Variants in CORO7 observed in about 807,000 individuals in gnomAD.
The protein encoded by CORO7 is coronin 7.
Under a neutral mutation model 126.6 loss-of-function variants are expected in CORO7, and 107 were observed. The ratio of observed to expected loss-of-function variants is 0.85; its 90% CI spans 0.72 to 0.99. The LOEUF (loss-of-function observed/expected upper bound fraction) is 0.99. Ranked by LOEUF, CORO7 falls within the 50% of genes least tolerant of loss-of-function variation. The pLI is 0.00. For missense variants in CORO7, 1,314 were observed against 1,255.8 expected (o/e 1.05, Z -0.70); for synonymous variants, 603 against 536.8 (o/e 1.12, Z -1.70).
intron 25 of CORO7, chr16:4,357,748 T>A: frequency 1.4e-6 from 1 of 714,042 alleles, no homozygotes; most frequent in Non-Finnish European, 2.2e-6. Flanking sequence ...CACCACAGTG[T>A]GTGCGTGTGT....
chr16:4,367,701 A>C (rs1567257168), intron 9 of CORO7, among the ~76,000 whole-genome samples: 1 of 152,172 alleles, frequency 6.6e-6, no homozygotes, highest in Non-Finnish European at 1.5e-5. Context: ...CAACCTGTGC[A>C]AAGGTCCTGT....
At position 4,364,426 on chromosome 16, in the gene CORO7, C is replaced by T. The variant is rs201401105; in HGVS notation, c.1138-13G>A. Reference sequence around the variant, plus strand: ...TGACCTTCTGCACCTGCATGGAGGCCGGCAGTGGGGAGATGGGGGCATGGG... The same window carrying T: ...TGACCTTCTGCACCTGCATGGAGGCTGGCAGTGGGGAGATGGGGGCATGGG... On this transcript the variant is annotated splice_polypyrimidine_tract_variant and intron_variant, in intron 13 of 27. Transcript: ENST00000251166. 36 of 1,494,666 alleles carry T rather than the reference C, an allele frequency of 2.4e-5. No homozygotes were observed. Among genetic ancestry groups the T allele is most frequent in the East Asian group, 9.3e-5 (4 of 42,814 alleles). 92.6% of individuals were successfully genotyped at this position (1,494,666 alleles called of 1,614,324 possible).
At chr16:4,370,874 G>C (rs146429788) in intron 9 of CORO7, among the ~76,000 whole-genome samples, 3,651 of 152,364 alleles carry the variant, frequency 0.024, 73 homozygotes, top group Non-Finnish European at 0.034. Context: ...CGGGCTGGAG[G>C]GGGTGTGGGT....
intron 7 of CORO7, among the ~76,000 whole-genome samples, chr16:4,389,740 C>T (rs2055321634): frequency 6.6e-6 from 1 of 152,232 alleles, no homozygotes; most frequent in African/African-American, 2.4e-5. Context: ...GAGCCATTGG[C>T]CAGCCCTGCC....
In CORO7 at chr16:4,362,955, G is replaced by C. The variant is rs1053180478; in HGVS notation, c.1276-217C>G. The C allele has an allele frequency of 2.2e-6, 1 of 447,170 alleles. No individual in the cohort carries two copies. The allele number at this position is 447,170 out of a possible 1,614,324, so 27.7% of individuals were successfully genotyped here. ...ACCGCGGGGACAGCAAGTGGCAGCT[G>C]CTGGCTCCCAGCCCTGCAGGAGGGT... is the stretch of plus-strand genomic sequence containing the variant. On this transcript the variant is annotated intron_variant, in intron 14 of 27. Coordinates refer to ENST00000251166, the MANE Select transcript of CORO7 (RefSeq NM_024535.5). The surrounding 1 kb of genome is among the most constrained non-coding windows in gnomAD (Gnocchi z 5.3).
At chr16:4,373,819 A>G (rs1407710133) in intron 9 of CORO7, among the ~76,000 whole-genome samples, 19 of 152,132 alleles carry the variant, frequency 1.2e-4, no homozygotes, top group Admixed American at 1.2e-3. Context: ...TCAGCAGGCC[A>G]GACAGCCAGT....
At chr16:4,365,959 G>C (rs1038495831) in intron 9 of CORO7, among the ~76,000 whole-genome samples, 25 of 152,306 alleles carry the variant, frequency 1.6e-4, no homozygotes, top group African/African-American at 5.5e-4. Flanking sequence ...GTCCCCACTC[G>C]GCACTGCCTG....
At chr16:4,415,696 G>C in intron 1 of CORO7, 1 of 985,108 alleles carries the variant, frequency 1.0e-6, no homozygotes, top group Non-Finnish European at 1.2e-6. Context: ...AGTTATCGGA[G>C]GACACTCCCA....
At chr16:4,411,770 C>T (rs2056219556) in intron 3 of CORO7, among the ~76,000 whole-genome samples, 1 of 152,028 alleles carries the variant, frequency 6.6e-6, no homozygotes, top group Non-Finnish European at 1.5e-5. Context: ...GAGACTGGGC[C>T]CGCGGCCGCT....
At chr16:4,399,032 T>C (rs899459750) in intron 6 of CORO7, among the ~76,000 whole-genome samples, 2 of 151,132 alleles carry the variant, frequency 1.3e-5, no homozygotes, top group African/African-American at 2.4e-5. Context: ...TTGCACACTG[T>C]TGATGGGATT....
rs1368270856 is a variant in CORO7, at chr16:4,388,537, C to T, written c.702+8G>A. 6.2e-7 allele frequency: 1 copy of T among 1,611,092 alleles called. No homozygotes were observed. Among genetic ancestry groups the T allele is most frequent in the Admixed American group, 1.7e-5 (1 of 59,698 alleles). ...CCGTGCCCTGCTCCTCCAGGAGGAACCCCCTACCTGGTTGAATCCAGTAGA... is the reference window on the plus strand; with the variant it reads ...CCGTGCCCTGCTCCTCCAGGAGGAATCCCCTACCTGGTTGAATCCAGTAGA... On this transcript the variant is annotated splice_region_variant and intron_variant, in intron 8 of 27. Transcript: ENST00000251166.
intron 6 of CORO7, among the ~76,000 whole-genome samples, chr16:4,404,113 G>A (rs1194563371): frequency 6.6e-6 from 1 of 152,216 alleles, no homozygotes; most frequent in Non-Finnish European, 1.5e-5. Flanking sequence ...CAAAAGCAGA[G>A]TACAGAAAAG....
chr16:4,369,522 G>A (rs184515228), intron 9 of CORO7, among the ~76,000 whole-genome samples: 49 of 152,274 alleles, frequency 3.2e-4, no homozygotes, highest in African/African-American at 1.2e-3. Flanking sequence ...ATCTGCCCCC[G>A]CCCCTCAGCC....
chr16:4,395,980 T>TGTGA (rs2055571992), intron 6 of CORO7, among the ~76,000 whole-genome samples: 1 of 83,288 alleles, frequency 1.2e-5, no homozygotes, highest in Admixed American at 1.2e-4. Flanking sequence ...GAACAATGTG[T>TGTGA]GTGTGCATGC....
intron 7 of CORO7, among the ~76,000 whole-genome samples, chr16:4,392,900 C>T (rs922119312): frequency 7.9e-5 from 12 of 152,224 alleles, no homozygotes; most frequent in African/African-American, 2.9e-4. Flanking sequence ...GCCACCCACG[C>T]TCTTCCCAGG....
intron 9 of CORO7, chr16:4,381,149 T>G (rs1218294985): frequency 1.9e-6 from 3 of 1,610,760 alleles, no homozygotes; most frequent in Non-Finnish European, 2.5e-6. Context: ...ATCGCCAGCC[T>G]GCCCAGCGGG....
chr16:4,400,846 T>C (rs1312825789), intron 6 of CORO7, among the ~76,000 whole-genome samples: 1 of 139,178 alleles, frequency 7.2e-6, no homozygotes, highest in Non-Finnish European at 1.6e-5. Flanking sequence ...TTACCATTGG[T>C]TCCTCAATTG....
chr16:4,414,116 G>A (rs1197322915), intron 1 of CORO7, among the ~76,000 whole-genome samples: 1 of 151,468 alleles, frequency 6.6e-6, no homozygotes, highest in Non-Finnish European at 1.5e-5. Context: ...ACTTGAACCT[G>A]GGAGGCGGAA....
intron 9 of CORO7, 60 bp downstream of exon 9, chr16:4,387,926 C>A (rs576697196): frequency 4.3e-4 from 690 of 1,596,308 alleles, no homozygotes; most frequent in Non-Finnish European, 5.6e-4. Flanking sequence ...ATCAGGTGCC[C>A]TCACCTGCGG....
Sources: allele counts gnomAD v4.1 joint callset (sites outside exome capture counted in the v4.1 genomes callset), GRCh38; gene constraint gnomAD v4.1.1; non-coding constraint Gnocchi (gnomAD v3.1); transcripts MANE v1.5; gene names NCBI Gene and HGNC (gene_info 2026-07-23, HGNC 2026-07-21).